Variants in SHISA9 observed in about 807,000 individuals in gnomAD.
SHISA9 encodes the protein shisa family member 9.
SHISA9 carries 13 observed loss-of-function variants against 38.0 expected under a neutral mutation model. The ratio of observed to expected loss-of-function variants is 0.34; its 90% CI spans 0.22 to 0.54. The LOEUF (loss-of-function observed/expected upper bound fraction) is 0.54, where lower values mean the gene tolerates loss of function less well. SHISA9 is among the 20% of genes least tolerant of loss of function. The probability of loss-of-function intolerance (pLI) is 0.91; values close to 1 mark genes in which losing one functional copy is unlikely to be tolerated. For synonymous variants in SHISA9, 275 were observed against 242.0 expected, an observed-to-expected ratio of 1.14 and a Z score of -1.27; for missense variants, 538 against 575.8, an observed-to-expected ratio of 0.93 and a Z score of 0.67.
chr16:13,275,103 T>C, the SHISA9 span, among the ~76,000 whole-genome samples: 4 of 152,100 alleles, frequency 2.6e-5, no homozygotes, highest in East Asian at 1.9e-4. Context: ...CTACGTGAGA[T>C]TGGGTAATAA....
At chr16:13,046,001 G>T (rs925327663) in intron 2 of SHISA9, among the ~76,000 whole-genome samples, 5 of 152,170 alleles carry the variant, frequency 3.3e-5, no homozygotes, top group Non-Finnish European at 4.4e-5. Flanking sequence ...GAGGAGGCAG[G>T]CTCCAAATAA....
chr16:13,000,441 T>C (rs2072509537), intron 2 of SHISA9, among the ~76,000 whole-genome samples: 1 of 152,180 alleles, frequency 6.6e-6, no homozygotes, highest in Non-Finnish European at 1.5e-5. Flanking sequence ...GTAAATGGCA[T>C]CTCAGAGTTT....
intron 2 of SHISA9, among the ~76,000 whole-genome samples, chr16:13,144,050 C>G (rs1309213969): frequency 2.0e-5 from 3 of 151,860 alleles, no homozygotes; most frequent in Non-Finnish European, 4.4e-5. Flanking sequence ...ATGTCTTTTT[C>G]TTTTACTTTT....
intron 2 of SHISA9, among the ~76,000 whole-genome samples, chr16:12,969,197 C>T (rs991324695): frequency 4.0e-5 from 6 of 151,558 alleles, no homozygotes; most frequent in East Asian, 3.9e-4. Context: ...GAGGTGCACA[C>T]GATTCAGCCC....
the SHISA9 span, among the ~76,000 whole-genome samples, chr16:13,289,673 A>C: frequency 6.6e-6 from 1 of 151,950 alleles, no homozygotes; most frequent in Admixed American, 6.6e-5. Context: ...AGAGAGAGAG[A>C]GAAAGAGAGA....
chr16:12,959,864 G>A (rs1174853684), intron 2 of SHISA9, among the ~76,000 whole-genome samples: 1 of 152,134 alleles, frequency 6.6e-6, no homozygotes, highest in Non-Finnish European at 1.5e-5. Context: ...ATGAGTTTGG[G>A]GGAGGAACAT....
At chr16:13,451,036 G>C in the SHISA9 span, among the ~76,000 whole-genome samples, 1 of 152,122 alleles carries the variant, frequency 6.6e-6, no homozygotes, top group Non-Finnish European at 1.5e-5. Flanking sequence ...CCGGCCACCA[G>C]AGCCTGCTCT....
the SHISA9 span, among the ~76,000 whole-genome samples, chr16:13,445,865 G>A: frequency 5.9e-5 from 9 of 152,258 alleles, no homozygotes; most frequent in South Asian, 1.9e-3. Flanking sequence ...TAAAATGGGG[G>A]CTAATAACAT....
At chr16:13,344,255 T>A in the SHISA9 span, among the ~76,000 whole-genome samples, 1 of 152,194 alleles carries the variant, frequency 6.6e-6, no homozygotes, top group South Asian at 2.1e-4. Context: ...TGGAGAGTGA[T>A]GGGATTGGAG....
At chr16:13,434,304 G>A in the SHISA9 span, among the ~76,000 whole-genome samples, 1 of 151,872 alleles carries the variant, frequency 6.6e-6, no homozygotes, top group East Asian at 1.9e-4. Context: ...TGACTCAGAT[G>A]TTCATCTCCT....
the SHISA9 span, among the ~76,000 whole-genome samples, chr16:13,557,247 G>C: frequency 6.6e-6 from 1 of 152,110 alleles, no homozygotes; most frequent in Non-Finnish European, 1.5e-5. Flanking sequence ...CTGAGGTTTT[G>C]CATAAAATTT....
At chr16:13,521,031 C>A in the SHISA9 span, among the ~76,000 whole-genome samples, 3 of 152,300 alleles carry the variant, frequency 2.0e-5, no homozygotes, top group South Asian at 2.1e-4. Flanking sequence ...AAGGTCATCT[C>A]TGTGCATGTT....
chr16:13,154,923 C>T (rs2142007389), intron 2 of SHISA9, among the ~76,000 whole-genome samples: 1 of 152,340 alleles, frequency 6.6e-6, no homozygotes, highest in East Asian at 1.9e-4. Flanking sequence ...GAGATGGGAA[C>T]TCTGTCCCTC....
At chr16:13,292,201 C>G in the SHISA9 span, among the ~76,000 whole-genome samples, 1 of 151,902 alleles carries the variant, frequency 6.6e-6, no homozygotes, top group African/African-American at 2.4e-5. Context: ...CTAAGAGCGT[C>G]TTTGCTGTGA....
chr16:13,138,707 C>T lies in SHISA9; in HGVS notation c.692-64687C>T, dbSNP rs1008303190. On this transcript the variant is annotated intron_variant, in intron 2 of 4. Transcript: ENST00000558583. The stretch of plus-strand genomic sequence containing the variant: ...AGCCGTTTAGGAGGACTAGAGTGTT[C>T]CACACATATCATCTCTTGTTCACAT... Among the ~76,000 whole-genome samples the T allele has an allele frequency of 3.3e-5, 5 of 152,216 alleles. No homozygotes were observed. In the East Asian group the frequency reaches 7.7e-4, roughly 23 times the overall value.
intron 2 of SHISA9, among the ~76,000 whole-genome samples, chr16:12,927,559 A>C (rs1401021657): frequency 6.6e-6 from 1 of 150,822 alleles, no homozygotes; most frequent in Non-Finnish European, 1.5e-5. Context: ...CAATCATGTC[A>C]GCTAATTTTT....
the SHISA9 span, among the ~76,000 whole-genome samples, chr16:13,522,222 A>T: frequency 6.6e-6 from 1 of 152,118 alleles, no homozygotes; most frequent in Non-Finnish European, 1.5e-5. Context: ...CTTGGAGAAG[A>T]TTTTCCATTG....
intron 2 of SHISA9, among the ~76,000 whole-genome samples, chr16:13,177,342 A>G (rs2050739875): frequency 6.6e-6 from 1 of 152,164 alleles, no homozygotes; most frequent in South Asian, 2.1e-4. Context: ...AAATCTTAGA[A>G]TGGCTCTTTT....
chr16:13,531,962 G>A, the SHISA9 span, among the ~76,000 whole-genome samples: 2 of 152,206 alleles, frequency 1.3e-5, no homozygotes, highest in Admixed American at 6.5e-5. Context: ...ACACGAAGAA[G>A]AAGAAATACT....
Sources: gnomAD v4.1 joint callset for allele counts (sites outside exome capture counted in the v4.1 genomes callset) on GRCh38, gnomAD v4.1.1 for gene constraint, MANE v1.5 for transcripts, NCBI Gene and HGNC (gene_info 2026-07-23, HGNC 2026-07-21) for gene names.